Variants in DPYSL2 observed in about 807,000 individuals in gnomAD.
DPYSL2 encodes dihydropyrimidinase like 2.
DPYSL2 carries 13 observed loss-of-function variants against 69.9 expected under a neutral mutation model. That is an observed-to-expected ratio of 0.19 (90% CI 0.12 to 0.30). The LOEUF (loss-of-function observed/expected upper bound fraction) is 0.30. DPYSL2 is among the 10% of genes least tolerant of loss of function. The pLI is 1.00. For synonymous variants in DPYSL2, 326 were observed against 359.1 expected (o/e 0.91, Z 1.04); for missense variants, 587 against 918.9 (o/e 0.64, Z 4.67).
chr8:26,631,777 C>T (rs1802781045), intron 7 of DPYSL2, among the ~76,000 whole-genome samples: 1 of 151,932 alleles, frequency 6.6e-6, no homozygotes, highest in Admixed American at 6.6e-5. Context: ...AGGGGGGATG[C>T]AGGGGGTTTG....
rs957437928 is a variant in DPYSL2 at position 26,516,077 on chromosome 8, A to C, written c.354+1398A>C. On this transcript the variant is annotated intron_variant, in intron 1 of 13. Coordinates refer to ENST00000521913, the MANE Select transcript of DPYSL2 (RefSeq NM_001197293.3). This position sits in a 1 kb window ranked among gnomAD's most constrained non-coding sequence, Gnocchi z 4.8. ...GACTTTTGTAGGGTCAAGTCTAGGA[A>C]AAACAAGGCATTTGCTGTCATTTGT... Among the ~76,000 whole-genome samples the C allele has an allele frequency of 1.3e-5, 2 of 152,226 alleles. No individual in the cohort carries two copies. Among genetic ancestry groups the C allele is most frequent in the African/African-American group, 4.8e-5 (2 of 41,452 alleles).
chr8:26,551,237 C>G (rs1800869564), intron 1 of DPYSL2, among the ~76,000 whole-genome samples: 1 of 152,200 alleles, frequency 6.6e-6, no homozygotes, highest in African/African-American at 2.4e-5. Flanking sequence ...CAGCCCCAAT[C>G]TACTATCACA....
chr8:26,583,641 G>A (rs1193330452), intron 2 of DPYSL2, among the ~76,000 whole-genome samples, 158 bp from the exon 3 acceptor site: 2 of 152,080 alleles, frequency 1.3e-5, no homozygotes, highest in East Asian at 1.9e-4. Context: ...TTGCTGGGGG[G>A]TAGGAGTATA....
chr8:26,553,686 C>CACAT (rs1320514065), intron 1 of DPYSL2, among the ~76,000 whole-genome samples: 2 of 152,110 alleles, frequency 1.3e-5, no homozygotes, highest in Non-Finnish European at 1.5e-5. Context: ...AACGAATATA[C>CACAT]ACATGCATGT....
Position 26,627,803 on chromosome 8 carries a change from G to T in DPYSL2, c.937-69G>T. 2.7e-6 allele frequency: 4 copies of T among 1,500,818 alleles called. No homozygotes were observed. Among genetic ancestry groups the T allele is most frequent in the Non-Finnish European group, 3.7e-6 (4 of 1,090,818 alleles). 93.0% of individuals were successfully genotyped at this position (1,500,818 alleles called of 1,614,324 possible). A position where few individuals can be genotyped will look rare whatever the true frequency, so the allele number is the denominator to read the frequency against. On this transcript the variant is annotated intron_variant, in intron 6 of 13. Transcript: ENST00000521913. This position sits in a 1 kb window ranked among gnomAD's most constrained non-coding sequence, Gnocchi z 6.9. ...ATCTTGCCCGGATAACTGCATGCCC[G>T]GGCCTCTGCCATCAGAGCTGTGCAA...
At chr8:26,583,674 A>G (rs1801536168) in intron 2 of DPYSL2, 125 bp from the exon 3 acceptor site, 4 of 852,676 alleles carry the variant, frequency 4.7e-6, no homozygotes, top group Non-Finnish European at 7.1e-6. Flanking sequence ...ATGAATCGTA[A>G]CAATGATCTG....
chr8:26,634,861 A>G lies in DPYSL2; in HGVS notation c.1087A>G (p.Lys363Glu), dbSNP rs1802869007. 6.2e-7 allele frequency: 1 copy of G among 1,614,140 alleles called. No individual in the cohort carries two copies. Among genetic ancestry groups the G allele is most frequent in the African/African-American group, 1.3e-5 (1 of 74,934 alleles). Reference protein sequence around the residue: ...CPLYITKVMSKSSAEVIAQAR... With the variant: ...CPLYITKVMSESSAEVIAQAR... ...GCTGTATATCACCAAGGTGATGAGC[A>G]AAAGCTCTGCTGAGGTCATCGCCCA... Residue 363 changes from lysine (K) to glutamate (E), a missense_variant, in exon 8 of 14, where the codon AAA (lysine) becomes GAA (glutamate). Around this residue, in one of 3 missense-constraint regions of DPYSL2, gnomAD observed 452 missense variants for 754.3 expected, o/e 0.60. Coordinates refer to ENST00000521913, the MANE Select transcript of DPYSL2 (RefSeq NM_001197293.3).
chr8:26,520,975 C>T lies in DPYSL2; in HGVS notation c.354+6296C>T, dbSNP rs532398593. 6.6e-5 allele frequency among the ~76,000 whole-genome samples: 10 copies of T among 152,182 alleles called. No individual in the cohort carries two copies. In the South Asian group the frequency reaches 1.0e-3, roughly 16 times the overall value. ...CTCCACCCTCATGGCCTATGTTCGTCCGAAAGGCCCTACCTGTTAATACCA... is the reference window on the plus strand; with the variant it reads ...CTCCACCCTCATGGCCTATGTTCGTTCGAAAGGCCCTACCTGTTAATACCA... On this transcript the variant is annotated intron_variant, in intron 1 of 13. Coordinates refer to ENST00000521913, the MANE Select transcript of DPYSL2 (RefSeq NM_001197293.3).
At chr8:26,606,648 A>G (rs1439772005) in intron 3 of DPYSL2, among the ~76,000 whole-genome samples, 2 of 152,220 alleles carry the variant, frequency 1.3e-5, no homozygotes, top group Non-Finnish European at 2.9e-5. Flanking sequence ...CAACTGAATG[A>G]GTAATAAAAG....
At chr8:26,550,935 C>G (rs1800865152) in intron 1 of DPYSL2, among the ~76,000 whole-genome samples, 1 of 152,158 alleles carries the variant, frequency 6.6e-6, no homozygotes, top group Admixed American at 6.5e-5. Context: ...AAATGGATAT[C>G]TTGCCTCTGG....
At position 26,570,271 on chromosome 8, in the gene DPYSL2, A is replaced by T. The variant is rs571818650; in HGVS notation, c.355-11698A>T. ...CAGAGCCACTGAGTGAAACTGAGTT[A>T]CACTGGGTTATGAGGAAAGAAAGAG... On this transcript the variant is annotated intron_variant, in intron 1 of 13. Transcript: ENST00000521913. 9.2e-5 allele frequency among the ~76,000 whole-genome samples: 14 copies of T among 152,286 alleles called. No individual in the cohort carries two copies. In the East Asian group the frequency reaches 2.7e-3, roughly 29 times the overall value.
At chr8:26,518,429 A>T (rs2117596270) in intron 1 of DPYSL2, among the ~76,000 whole-genome samples, 1 of 152,334 alleles carries the variant, frequency 6.6e-6, no homozygotes, top group South Asian at 2.1e-4. Flanking sequence ...TATTGAACTA[A>T]TCATATAATT....
intron 1 of DPYSL2, among the ~76,000 whole-genome samples, chr8:26,549,163 C>T (rs1020261103): frequency 6.6e-6 from 1 of 151,296 alleles, no homozygotes; most frequent in South Asian, 2.1e-4. Flanking sequence ...CACTCCAGCC[C>T]AGGTGACAGA....
rs952772319 is a variant in DPYSL2 at position 26,516,852 on chromosome 8, C to T, written c.354+2173C>T. Among the ~76,000 whole-genome samples, 5 of 152,178 alleles carry T rather than the reference C, an allele frequency of 3.3e-5. No individual in the cohort carries two copies. The highest frequency in any genetic ancestry group is 3.3e-4 in the Admixed American group (5 of 15,272). ...CACGACTAAGAGCATTTACCTGGAT[C>T]AGTACTTGCAATGTTTCAATATTTC... On this transcript the variant is annotated intron_variant, in intron 1 of 13. Coordinates refer to ENST00000521913, the MANE Select transcript of DPYSL2 (RefSeq NM_001197293.3). This position sits in a 1 kb window ranked among gnomAD's most constrained non-coding sequence, Gnocchi z 4.8.
Position 26,585,026 on chromosome 8 carries a change from A to G in DPYSL2, c.628+1043A>G, listed in dbSNP as rs1355419795. ...TGAACTGCTAGATTCCAGCATGCCC[A>G]CTGATTGTCCTTTTGAAAAATGTCA... On this transcript the variant is annotated intron_variant, in intron 3 of 13. Coordinates refer to ENST00000521913, the MANE Select transcript of DPYSL2 (RefSeq NM_001197293.3). This position sits in a 1 kb window ranked among gnomAD's most constrained non-coding sequence, Gnocchi z 4.0. Among the ~76,000 whole-genome samples the G allele has an allele frequency of 4.6e-5, 7 of 152,148 alleles. No homozygotes were observed. The highest frequency in any genetic ancestry group is 1.4e-4 in the African/African-American group (6 of 41,420).
intron 1 of DPYSL2, among the ~76,000 whole-genome samples, chr8:26,568,770 T>G (rs1321853846): frequency 2.2e-5 from 3 of 137,756 alleles, no homozygotes; most frequent in Admixed American, 7.3e-5. Context: ...CTTGGCCGTT[T>G]TCAGAATCGA....
chr8:26,541,981 G>C (rs1315078656), intron 1 of DPYSL2, among the ~76,000 whole-genome samples: 2 of 152,136 alleles, frequency 1.3e-5, no homozygotes, highest in Non-Finnish European at 2.9e-5. Context: ...CCAATCAAAA[G>C]GTGTAGAGGC....
intron 3 of DPYSL2, among the ~76,000 whole-genome samples, chr8:26,608,762 C>T (rs1484091998): frequency 2.6e-5 from 4 of 152,146 alleles, no homozygotes; most frequent in African/African-American, 4.8e-5. Flanking sequence ...GTACAATGGC[C>T]GTGGTTCAGA....
At chr8:26,515,237 A>C (rs1041827214) in intron 1 of DPYSL2, among the ~76,000 whole-genome samples, 4 of 152,110 alleles carry the variant, frequency 2.6e-5, no homozygotes, top group African/African-American at 7.2e-5. Flanking sequence ...CCCTCCGAGC[A>C]CCGCACCGCC....
Sources: allele counts gnomAD v4.1 joint callset (sites outside exome capture counted in the v4.1 genomes callset), GRCh38; gene constraint gnomAD v4.1.1; regional missense constraint gnomAD v4.1.1; non-coding constraint Gnocchi (gnomAD v3.1); transcripts MANE v1.5; gene names NCBI Gene and HGNC (gene_info 2026-07-23, HGNC 2026-07-21).